Variants in MAP4K1 observed in about 807,000 individuals in gnomAD.
MAP4K1 encodes the protein MAPK/ERK kinase kinase kinase 1.
Under a neutral mutation model 122.8 loss-of-function variants are expected in MAP4K1, and 35 were observed. The observed-to-expected ratio is 0.29, with a 90% CI of 0.22 to 0.38. The LOEUF (loss-of-function observed/expected upper bound fraction) is 0.38, where lower values mean the gene tolerates loss of function less well. Among genes scored for constraint, MAP4K1 ranks in the 10% least tolerant of loss-of-function variants. The pLI is 1.00. For synonymous variants in MAP4K1, 412 were observed against 421.3 expected (o/e 0.98, Z 0.27); for missense variants, 791 against 1,072.6 (o/e 0.74, Z 3.67).
chr19:38,587,881 A>G, intron 30 of MAP4K1, 64 bp from the exon 31 acceptor site: 2 of 1,293,282 alleles, frequency 1.5e-6, no homozygotes, highest in Admixed American at 3.4e-5. Context: ...TCATTAATTC[A>G]CAAAGTAGTT....
At chr19:38,600,636 A>C (rs1975032266) in intron 20 of MAP4K1, among the ~76,000 whole-genome samples, 2 of 151,740 alleles carry the variant, frequency 1.3e-5, no homozygotes. Context: ...CCTAATCTCT[A>C]AAATTCCTCA....
At chr19:38,587,941 A>C in intron 30 of MAP4K1, 124 bp from the exon 31 acceptor site, 1 of 735,410 alleles carries the variant, frequency 1.4e-6, no homozygotes. Context: ...GAATGGGCAG[A>C]CACGGTCCCT....
rs1031744033 is a variant in MAP4K1 at position 38,608,799 on chromosome 19, C to CAAAAAA, written c.1007-635_1007-630dup. Among the ~76,000 whole-genome samples the CAAAAAA allele has an allele frequency of 1.8e-3, 17 of 9,558 alleles. 1 individual carries two copies. The highest frequency in any genetic ancestry group is 3.5e-3 in the South Asian group (1 of 282). The allele number at this position is 9,558 out of a possible 152,430, so 6.3% of individuals were successfully genotyped here. A position where few individuals can be genotyped will look rare whatever the true frequency, so the allele number is the denominator to read the frequency against. The stretch of plus-strand genomic sequence containing the variant: ...TGGGCGACAGAGTGAAACTCCGTCT[C>CAAAAAA]AAAAAAAAAAAAAAAAAAAAAAAAA... On this transcript the variant is annotated intron_variant, in intron 13 of 30. Coordinates refer to ENST00000396857, the MANE Select transcript of MAP4K1 (RefSeq NM_001042600.3).
At chr19:38,596,517 G>C (rs1386938107) in intron 25 of MAP4K1, 31 bp from the exon 26 acceptor site, 3 of 1,501,906 alleles carry the variant, frequency 2.0e-6, no homozygotes, top group East Asian at 2.4e-5. Context: ...GGCGGGCTAG[G>C]GGGTGGTTCA....
At chr19:38,609,279 C>T (rs1428176005) in intron 13 of MAP4K1, among the ~76,000 whole-genome samples, 1 of 152,034 alleles carries the variant, frequency 6.6e-6, no homozygotes, top group African/African-American at 2.4e-5. Context: ...GGACTACAGG[C>T]GTGCACTACC....
At chr19:38,616,068 T>G in intron 4 of MAP4K1, 127 bp downstream of exon 4, 1 of 659,950 alleles carries the variant, frequency 1.5e-6, no homozygotes, top group Non-Finnish European at 2.5e-6. Context: ...GCCCAGGAGT[T>G]TGAAATATGG....
Position 38,609,626 on chromosome 19 carries a change from A to T in MAP4K1, c.976T>A (p.Ser326Thr), listed in dbSNP as rs1429228668. The change falls in exon 13 of 31, where the codon TCT becomes ACT. Residue 326 changes from serine to threonine, a missense_variant. Physicochemically the swap from Ser to Thr is moderately conservative, Grantham distance 58. Coordinates refer to ENST00000396857, the MANE Select transcript of MAP4K1 (RefSeq NM_001042600.3). The part of the protein sequence containing the change: ...RRIRSTHRSS[S>T]LGIPDADCCR... ...CAGTCTGCATCTGGGATCCCCAGAG[A>T]GCTGGAGCGGTGGGTGGATCTGATC... The T allele has an allele frequency of 4.3e-6, 7 of 1,613,898 alleles. No individual in the cohort carries two copies. Among genetic ancestry groups the T allele is most frequent in the Non-Finnish European group, 5.9e-6 (7 of 1,179,944 alleles).
At chr19:38,602,696 A>T (rs1975124306) in intron 19 of MAP4K1, among the ~76,000 whole-genome samples, 1 of 148,366 alleles carries the variant, frequency 6.7e-6, no homozygotes, top group Non-Finnish European at 1.5e-5. Context: ...ATATATACAC[A>T]CATATACATG....
At chr19:38,607,516 C>T (rs1975361542) in intron 16 of MAP4K1, among the ~76,000 whole-genome samples, 2 of 141,070 alleles carry the variant, frequency 1.4e-5, no homozygotes, top group Non-Finnish European at 3.0e-5. Context: ...GCTGAGACTA[C>T]GTCACTGCAC....
chr19:38,594,001 G>T (rs1477110099), intron 29 of MAP4K1, among the ~76,000 whole-genome samples: 3 of 152,190 alleles, frequency 2.0e-5, no homozygotes, highest in Non-Finnish European at 4.4e-5. Context: ...GGACAGTGAG[G>T]CACAGGAAGG....
chr19:38,609,507 G>A (rs886380145), intron 13 of MAP4K1, 89 bp downstream of exon 13: 2 of 1,101,080 alleles, frequency 1.8e-6, no homozygotes, highest in African/African-American at 3.1e-5. Context: ...TGATGCTGAG[G>A]GTCTCTGGAG....
At position 38,606,160 on chromosome 19, in the gene MAP4K1, C is replaced by A. The variant is rs115552300; in HGVS notation, c.1200+13G>T. On this transcript the variant is annotated intron_variant, in intron 17 of 30. Coordinates refer to ENST00000396857, the MANE Select transcript of MAP4K1 (RefSeq NM_001042600.3). ...TGAGGCCCCAGCCTCCCAGCTCTGGCCCAGGGCCTTACCTTGGGGGGAAGT... is the reference window on the plus strand; with the variant it reads ...TGAGGCCCCAGCCTCCCAGCTCTGGACCAGGGCCTTACCTTGGGGGGAAGT... 15 of 1,580,806 alleles carry A rather than the reference C, an allele frequency of 9.5e-6. No homozygotes were observed. Among genetic ancestry groups the A allele is most frequent in the Non-Finnish European group, 1.2e-5 (14 of 1,166,512 alleles).
intron 11 of MAP4K1, 131 bp downstream of exon 11, chr19:38,610,920 G>T: frequency 1.3e-6 from 1 of 789,970 alleles, no homozygotes; most frequent in Non-Finnish European, 2.1e-6. Flanking sequence ...GGTGGTCCTG[G>T]GAAATTCTGA....
In MAP4K1 at chr19:38,590,433, AT is replaced by A. The variant is rs1568619088; in HGVS notation, c.2397-2617del. ...TATATATATATATATATATATATATATATAATCACGGGCGTCACTAGGACAA... is the reference window on the plus strand; with the variant it reads ...TATATATATATATATATATATATATAATAATCACGGGCGTCACTAGGACAA... On this transcript the variant is annotated intron_variant, in intron 30 of 30. Transcript: ENST00000396857. Among the ~76,000 whole-genome samples the A allele has an allele frequency of 1.3e-3, 164 of 125,900 alleles. 3 individuals carry two copies. Among genetic ancestry groups the A allele is most frequent in the Non-Finnish European group, 1.9e-3 (119 of 61,798 alleles). 82.6% of individuals were successfully genotyped at this position (125,900 alleles called of 152,430 possible).
In MAP4K1 at chr19:38,605,618, C is replaced by T. The variant is rs761081944; in HGVS notation, c.1313G>A (p.Arg438His). The T allele has an allele frequency of 9.0e-5, 141 of 1,574,554 alleles. No individual in the cohort carries two copies. Among genetic ancestry groups the T allele is most frequent in the East Asian group, 2.8e-4 (12 of 43,592 alleles). Residue 438 changes from arginine to histidine, a missense_variant, in exon 18 of 31, where the codon CGT (arginine) becomes CAT (histidine). Around this residue, in one of 4 missense-constraint regions of MAP4K1, gnomAD observed 303 missense variants for 344.8 expected, o/e 0.88. Coordinates refer to ENST00000396857, the MANE Select transcript of MAP4K1 (RefSeq NM_001042600.3). Reference sequence around the variant, plus strand: ...GCTGGTGGATGGGGGAGGCCCAGGACGGGGGCTGTTTGGTGGGGGCCCACT... The same window carrying T: ...GCTGGTGGATGGGGGAGGCCCAGGATGGGGGCTGTTTGGTGGGGGCCCACT... Reference protein sequence around the residue: ...CASGPPPNSPRPGPPPSTSSP... With the variant: ...CASGPPPNSPHPGPPPSTSSP...
intron 30 of MAP4K1, among the ~76,000 whole-genome samples, chr19:38,589,950 A>G (rs996854475): frequency 6.6e-6 from 1 of 151,844 alleles, no homozygotes; most frequent in Non-Finnish European, 1.5e-5. Context: ...GGACTGATTG[A>G]ACCCAGGAGG....
intron 13 of MAP4K1, 138 bp downstream of exon 13, chr19:38,609,458 G>C (rs1975428984): frequency 1.3e-6 from 1 of 762,588 alleles, no homozygotes; most frequent in Non-Finnish European, 2.2e-6. Context: ...TGTAGTTCAG[G>C]TGCTGATGAG....
rs1568618992 is a variant in MAP4K1, at chr19:38,590,417, AT to A, written c.2397-2601del. ...AAAATATATATATATATATATATAT[AT>A]ATATATATATATATATATAATCACG... On this transcript the variant is annotated intron_variant, in intron 30 of 30. Transcript: ENST00000396857. 1.8e-3 allele frequency among the ~76,000 whole-genome samples: 176 copies of A among 98,566 alleles called. 11 individuals are homozygous for A. Among genetic ancestry groups the A allele is most frequent in the African/African-American group, 6.4e-3 (173 of 27,164 alleles). 64.7% of individuals were successfully genotyped at this position (98,566 alleles called of 152,430 possible). A position where few individuals can be genotyped will look rare whatever the true frequency, so the allele number is the denominator to read the frequency against.
intron 30 of MAP4K1, among the ~76,000 whole-genome samples, chr19:38,590,555 T>A (rs1231022548): frequency 6.6e-6 from 1 of 150,936 alleles, no homozygotes; most frequent in Non-Finnish European, 1.5e-5. Flanking sequence ...CTCGGCTCAC[T>A]GCAACCTCCA....
Sources: allele counts gnomAD v4.1 joint callset (sites outside exome capture counted in the v4.1 genomes callset), GRCh38; gene constraint gnomAD v4.1.1; regional missense constraint gnomAD v4.1.1; transcripts MANE v1.5; gene names NCBI Gene and HGNC (gene_info 2026-07-23, HGNC 2026-07-21).